HHAT: variants seen among roughly 807,000 people sequenced by gnomAD.
HHAT encodes protein-cysteine N-palmitoyltransferase HHAT.
HHAT carries 47 observed loss-of-function variants against 70.8 expected under a neutral mutation model. The ratio of observed to expected loss-of-function variants is 0.66; its 90% CI spans 0.53 to 0.85. HHAT has a LOEUF of 0.85. Among genes scored for constraint, HHAT ranks in the 40% least tolerant of loss-of-function variants. The probability of loss-of-function intolerance (pLI) is 0.00; values close to 1 mark genes in which losing one functional copy is unlikely to be tolerated. For missense variants in HHAT, 609 were observed against 604.8 expected (o/e 1.01, Z -0.07); for synonymous variants, 228 against 247.6 (o/e 0.92, Z 0.74).
chr1:210,600,645 A>G (rs1320201229), intron 10 of HHAT, among the ~76,000 whole-genome samples: 2 of 152,156 alleles, frequency 1.3e-5, no homozygotes, highest in African/African-American at 4.8e-5. Flanking sequence ...AGCTGGGTGG[A>G]CGTAGAGGAG....
At position 210,448,913 on chromosome 1, in the gene HHAT, C is replaced by T. The variant is rs924027507; in HGVS notation, c.857-15592C>T. Reference sequence around the variant, plus strand: ...TGTCCTGAGACATTTATTCCTGAACCGCTTCTGTCCCTCACCTCATGCATA... The same window carrying T: ...TGTCCTGAGACATTTATTCCTGAACTGCTTCTGTCCCTCACCTCATGCATA... On this transcript the variant is annotated intron_variant, in intron 7 of 11. Coordinates refer to ENST00000261458, the MANE Select transcript of HHAT (RefSeq NM_018194.6). Among the ~76,000 whole-genome samples, 7 of 152,178 alleles carry T rather than the reference C, an allele frequency of 4.6e-5. No homozygotes were observed. In the East Asian group the frequency reaches 5.8e-4, roughly 13 times the overall value.
intron 8 of HHAT, among the ~76,000 whole-genome samples, chr1:210,474,223 C>T: frequency 6.6e-6 from 1 of 152,164 alleles, no homozygotes; most frequent in South Asian, 2.1e-4. Context: ...ACTTAACAAA[C>T]CGATATTTTC....
At chr1:210,426,225 A>AG (rs1325757219) in intron 7 of HHAT, among the ~76,000 whole-genome samples, 1 of 152,196 alleles carries the variant, frequency 6.6e-6, no homozygotes, top group Non-Finnish European at 1.5e-5. Flanking sequence ...GTTGTTTATC[A>AG]GCTTATGAAG....
chr1:210,628,440 C>G (rs903768381), intron 11 of HHAT, among the ~76,000 whole-genome samples: 1 of 152,156 alleles, frequency 6.6e-6, no homozygotes, highest in African/African-American at 2.4e-5. Flanking sequence ...TGGCATCCAC[C>G]AAACATTGCC....
intron 11 of HHAT, among the ~76,000 whole-genome samples, chr1:210,643,911 A>ATTTTATGGAGAAATTTCTTT (rs761536220): frequency 0.11 from 16,470 of 147,958 alleles, 949 homozygotes; most frequent in South Asian, 0.2. Context: ...TGAAATTTTT[A>ATTTTATGGAGAAATTTCTTT]TTTTATGGAG....
intron 3 of HHAT, among the ~76,000 whole-genome samples, chr1:210,386,027 G>T (rs1485211342): frequency 6.6e-6 from 1 of 152,004 alleles, no homozygotes; most frequent in African/African-American, 2.4e-5. Context: ...TATGAATCAA[G>T]ATCAATTTTA....
intron 8 of HHAT, among the ~76,000 whole-genome samples, chr1:210,486,791 G>C (rs578152375): frequency 1.3e-5 from 2 of 152,124 alleles, no homozygotes; most frequent in African/African-American, 2.4e-5. Context: ...CTAAAATCAA[G>C]CCTCTTGATT....
At chr1:210,408,303 C>G (rs1053670011) in intron 6 of HHAT, among the ~76,000 whole-genome samples, 34 of 152,132 alleles carry the variant, frequency 2.2e-4, no homozygotes, top group African/African-American at 8.0e-4. Context: ...GTGCCTCAGC[C>G]TCCCAAGTAG....
At chr1:210,525,212 C>G (rs1349489636) in intron 9 of HHAT, among the ~76,000 whole-genome samples, 1 of 152,098 alleles carries the variant, frequency 6.6e-6, no homozygotes, top group Non-Finnish European at 1.5e-5. Flanking sequence ...CCTTGGATGT[C>G]AGCCCCTCTT....
chr1:210,374,864 G>A (rs766209722), intron 3 of HHAT, among the ~76,000 whole-genome samples: 1 of 151,492 alleles, frequency 6.6e-6, no homozygotes, highest in Non-Finnish European at 1.5e-5. Flanking sequence ...GAGGTTGAGG[G>A]TATGAATGAT....
chr1:210,407,957 C>T (rs2092397511), intron 6 of HHAT, among the ~76,000 whole-genome samples: 1 of 152,046 alleles, frequency 6.6e-6, no homozygotes, highest in Admixed American at 6.6e-5. Context: ...GGGAATTTGG[C>T]ATGGAGGTTG....
intron 7 of HHAT, chr1:210,462,519 C>T (rs1011812651): frequency 1.3e-4 from 19 of 151,972 alleles, no homozygotes; most frequent in African/African-American, 4.6e-4. Context: ...TATATATATT[C>T]ACACACACAC....
intron 9 of HHAT, among the ~76,000 whole-genome samples, chr1:210,551,571 T>A (rs2095528109): frequency 6.6e-6 from 1 of 152,240 alleles, no homozygotes; most frequent in South Asian, 2.1e-4. Flanking sequence ...GATAAAACTT[T>A]ATCATCACAA....
chr1:210,426,456 A>G (rs899291850), intron 7 of HHAT, among the ~76,000 whole-genome samples: 1 of 152,166 alleles, frequency 6.6e-6, no homozygotes, highest in East Asian at 1.9e-4. Flanking sequence ...TCGCCTATTC[A>G]GTATGATGTT....
chr1:210,468,063 T>G (rs1335403461), intron 8 of HHAT, among the ~76,000 whole-genome samples: 1 of 152,194 alleles, frequency 6.6e-6, no homozygotes, highest in Non-Finnish European at 1.5e-5. Context: ...TCCTCTTAAA[T>G]CTTCTTTTTC....
chr1:210,549,366 T>A (rs916865541), intron 9 of HHAT, among the ~76,000 whole-genome samples: 2 of 148,932 alleles, frequency 1.3e-5, no homozygotes, highest in African/African-American at 5.0e-5. Context: ...CTGTGAAGGA[T>A]GGATTGGCAG....
At chr1:210,375,907 A>G (rs1284695202) in intron 3 of HHAT, among the ~76,000 whole-genome samples, 1 of 151,422 alleles carries the variant, frequency 6.6e-6, no homozygotes, top group African/African-American at 2.4e-5. Context: ...GCTGGAGTGC[A>G]GTGGCACAAT....
intron 8 of HHAT, among the ~76,000 whole-genome samples, chr1:210,486,947 G>A (rs1238903400): frequency 1.3e-5 from 2 of 152,162 alleles, no homozygotes; most frequent in African/African-American, 2.4e-5. Flanking sequence ...TGAAGAATGT[G>A]AAAAGGAGGG....
At chr1:210,489,143 G>C (rs1210436231) in intron 8 of HHAT, among the ~76,000 whole-genome samples, 4 of 152,174 alleles carry the variant, frequency 2.6e-5, no homozygotes, top group Non-Finnish European at 4.4e-5. Context: ...TCATTATTTT[G>C]ATATCATTCA....
Sources: allele counts gnomAD v4.1 joint callset (sites outside exome capture counted in the v4.1 genomes callset), GRCh38; gene constraint gnomAD v4.1.1; transcripts MANE v1.5; gene names NCBI Gene and HGNC (gene_info 2026-07-23, HGNC 2026-07-21).